The following LARGE1 variants were observed in gnomAD, a reference collection of about 807,000 sequenced individuals.
LARGE1 encodes the protein LARGE xylosyl- and glucuronyltransferase 1, also known as xylosyl- and glucuronyltransferase LARGE1.
Under a neutral mutation model 87.6 loss-of-function variants are expected in LARGE1, and 43 were observed. The ratio of observed to expected loss-of-function variants is 0.49; its 90% confidence interval spans 0.38 to 0.63. The LOEUF is 0.63. Ranked by LOEUF, LARGE1 falls within the 30% of genes least tolerant of loss-of-function variation. The pLI, the probability that LARGE1 is intolerant of heterozygous loss-of-function variation, is 0.00. For missense variants in LARGE1, 802 were observed against 1,000.2 expected, an observed-to-expected ratio of 0.80 and a Z score of 2.67; for synonymous variants, 434 against 394.6, an observed-to-expected ratio of 1.10 and a Z score of -1.18.
intron 6 of LARGE1, among the ~76,000 whole-genome samples, chr22:33,549,868 C>G (rs982536367): frequency 1.3e-5 from 2 of 152,064 alleles, no homozygotes; most frequent in African/African-American, 4.8e-5. Flanking sequence ...ATAGTTTGCT[C>G]AGAATGAAGG....
chr22:33,735,312 G>T (rs2083616185), intron 2 of LARGE1, among the ~76,000 whole-genome samples: 1 of 152,120 alleles, frequency 6.6e-6, no homozygotes, highest in African/African-American at 2.4e-5. Context: ...ACTGTTCTTT[G>T]TTGAAGATGC....
chr22:33,694,179 G>A (rs1438314561), intron 2 of LARGE1, among the ~76,000 whole-genome samples: 2 of 152,180 alleles, frequency 1.3e-5, no homozygotes, highest in African/African-American at 4.8e-5. Flanking sequence ...TACCAACAAC[G>A]TGGACTGGCT....
At chr22:33,810,022 A>G (rs1191354425) in intron 1 of LARGE1, among the ~76,000 whole-genome samples, 1 of 152,220 alleles carries the variant, frequency 6.6e-6, no homozygotes, top group African/African-American at 2.4e-5. Context: ...ACCACCCAGG[A>G]GAGCACAGAA....
At chr22:33,913,142 A>AT (rs1471737293) in intron 1 of LARGE1, among the ~76,000 whole-genome samples, 2 of 152,076 alleles carry the variant, frequency 1.3e-5, no homozygotes, top group South Asian at 2.1e-4. Flanking sequence ...TGATTTTGAT[A>AT]TTTTTTAATG....
the LARGE1 span, among the ~76,000 whole-genome samples, chr22:33,079,106 T>C: frequency 2.6e-5 from 4 of 152,004 alleles, no homozygotes; most frequent in African/African-American, 9.7e-5. Flanking sequence ...GCCATGAGGA[T>C]GGTAATACTA....
At chr22:33,156,321 T>A in the LARGE1 span, among the ~76,000 whole-genome samples, 2 of 151,876 alleles carry the variant, frequency 1.3e-5, no homozygotes, top group South Asian at 4.2e-4. Flanking sequence ...AAGCAGCTGG[T>A]GGGGCAGAAT....
the LARGE1 span, among the ~76,000 whole-genome samples, chr22:33,135,927 A>T: frequency 6.6e-6 from 1 of 152,230 alleles, no homozygotes; most frequent in African/African-American, 2.4e-5. Context: ...TTCATTTAGA[A>T]CTATTGTTTC....
At chr22:33,355,201 G>A (rs1022506433) in intron 9 of LARGE1, among the ~76,000 whole-genome samples, 3 of 152,044 alleles carry the variant, frequency 2.0e-5, no homozygotes, top group Non-Finnish European at 4.4e-5. Context: ...GTGTTCATTC[G>A]TACTATCCCT....
intron 1 of LARGE1, among the ~76,000 whole-genome samples, chr22:33,878,283 A>G (rs1036819904): frequency 6.7e-6 from 1 of 150,198 alleles, no homozygotes; most frequent in Admixed American, 6.6e-5. Flanking sequence ...GACTATAGGC[A>G]CCCGCCATCA....
At chr22:33,136,289 A>T in the LARGE1 span, among the ~76,000 whole-genome samples, 2 of 152,216 alleles carry the variant, frequency 1.3e-5, no homozygotes, top group African/African-American at 4.8e-5. Context: ...ATGGCTGGGG[A>T]GGCCTCACAA....
chr22:33,514,715 T>C (rs1217930467), intron 6 of LARGE1, among the ~76,000 whole-genome samples: 1 of 152,176 alleles, frequency 6.6e-6, no homozygotes, highest in Admixed American at 6.5e-5. Context: ...TGTATATATA[T>C]ATCATATAGC....
intron 7 of LARGE1, among the ~76,000 whole-genome samples, chr22:33,403,366 G>C (rs2065988849): frequency 6.6e-6 from 1 of 152,188 alleles, no homozygotes; most frequent in Non-Finnish European, 1.5e-5. Context: ...AATTCCACTT[G>C]TGTTAACATC....
rs114539792 is a variant in LARGE1 at position 33,577,372 on chromosome 22, C to T, written c.616-12353G>A. ...ACAGAGAAGTATGCAAAAGCACACGCATACACATCTCAAAAACCTGCTCCC... is the reference window on the plus strand; with the variant it reads ...ACAGAGAAGTATGCAAAAGCACACGTATACACATCTCAAAAACCTGCTCCC... On this transcript the variant is annotated intron_variant, in intron 5 of 14. Coordinates refer to ENST00000397394, the MANE Select transcript of LARGE1 (RefSeq NM_133642.5). Among the ~76,000 whole-genome samples, 834 of 152,284 alleles carry T rather than the reference C, an allele frequency of 5.5e-3. 6 individuals carry two copies. The highest frequency in any genetic ancestry group is 0.019 in the African/African-American group (780 of 41,558).
At chr22:33,612,361 C>G (rs1325266438) in intron 4 of LARGE1, among the ~76,000 whole-genome samples, 1 of 152,196 alleles carries the variant, frequency 6.6e-6, no homozygotes, top group East Asian at 1.9e-4. Context: ...CTTGGCCTCC[C>G]AAAGTGCTGG....
At chr22:33,092,247 CTT>C in the LARGE1 span, among the ~76,000 whole-genome samples, 4 of 145,642 alleles carry the variant, frequency 2.7e-5, no homozygotes, top group African/African-American at 7.5e-5. Flanking sequence ...ATCTCCAGGG[CTT>C]TTTTTTTTTC....
chr22:33,483,913 C>T (rs2069447388), intron 6 of LARGE1, among the ~76,000 whole-genome samples: 1 of 152,162 alleles, frequency 6.6e-6, no homozygotes, highest in South Asian at 2.1e-4. Context: ...GGCCTGGCAG[C>T]AGAGGCGGTC....
chr22:33,783,324 G>C (rs998678466), intron 1 of LARGE1, among the ~76,000 whole-genome samples: 1 of 152,180 alleles, frequency 6.6e-6, no homozygotes, highest in African/African-American at 2.4e-5. Context: ...AAATTTGTTT[G>C]GGAGGCTGAG....
chr22:33,811,907 G>C (rs994702819), intron 1 of LARGE1, among the ~76,000 whole-genome samples: 1 of 152,136 alleles, frequency 6.6e-6, no homozygotes, highest in Non-Finnish European at 1.5e-5. Context: ...GTGACAAATG[G>C]AAAGAAAAAG....
chr22:33,288,508 T>C (rs28514380), intron 12 of LARGE1, among the ~76,000 whole-genome samples: 3 of 152,182 alleles, frequency 2.0e-5, no homozygotes, highest in Admixed American at 6.5e-5. Context: ...TTACTATCTA[T>C]AGGATATACT....
Sources: allele counts gnomAD v4.1 joint callset (sites outside exome capture counted in the v4.1 genomes callset), GRCh38; gene constraint gnomAD v4.1.1; transcripts MANE v1.5; gene names NCBI Gene and HGNC (gene_info 2026-07-23, HGNC 2026-07-21).